Variants in PPP2R3B observed in about 807,000 individuals in gnomAD.
PPP2R3B encodes the protein protein phosphatase 2 regulatory subunit B''beta, also known as serine/threonine-protein phosphatase 2A regulatory subunit B'' subunit beta.
Under a neutral mutation model 72.9 loss-of-function variants are expected in PPP2R3B, and 68 were observed. That is an observed-to-expected ratio of 0.93 (90% confidence interval 0.77 to 1.14). The LOEUF (loss-of-function observed/expected upper bound fraction) is 1.14. Ranked by LOEUF, PPP2R3B falls within the 50% of genes most tolerant of loss-of-function variation. The pLI is 0.00. For missense variants in PPP2R3B, 1,018 were observed against 842.0 expected (o/e 1.21, Z -2.59); for synonymous variants, 466 against 375.8 (o/e 1.24, Z -2.78).
At chrX:350,614 C>T (rs1272587871) in intron 2 of PPP2R3B, among the ~76,000 whole-genome samples, 13 of 152,216 alleles carry the variant, frequency 8.5e-5, no homozygotes, top group Admixed American at 6.5e-5. Flanking sequence ...CCAGCACTGG[C>T]GCCGGCGAGG....
intron 1 of PPP2R3B, among the ~76,000 whole-genome samples, chrX:362,883 C>T (rs2071571349): frequency 6.6e-6 from 1 of 151,568 alleles, no homozygotes; most frequent in Admixed American, 6.6e-5. Context: ...ATCCTCACCG[C>T]AGGTCACAAG....
rs1047793689 is a variant in PPP2R3B, at chrX:334,088, C to T, written c.*279G>A. The T allele has an allele frequency of 6.9e-5, 24 of 346,252 alleles. No individual in the cohort carries two copies. Among genetic ancestry groups the T allele is most frequent in the African/African-American group, 3.9e-4 (18 of 46,516 alleles). The allele number at this position is 346,252 out of a possible 1,614,324, so 21.4% of individuals were successfully genotyped here. A position where few individuals can be genotyped will look rare whatever the true frequency, so the allele number is the denominator to read the frequency against. ...CACGGACCCTTTCCACAGACGCAGG[C>T]CCCGGAACCCAGGCTGGGTCGGGAA... On this transcript the variant is annotated 3_prime_UTR_variant, in exon 13 of 13. Transcript: ENST00000390665.
intron 2 of PPP2R3B, among the ~76,000 whole-genome samples, chrX:359,230 A>C (rs947937984): frequency 1.3e-4 from 20 of 152,368 alleles, no homozygotes; most frequent in Non-Finnish European, 2.8e-4. Flanking sequence ...GTGTCCCAGC[A>C]GACGGAATGC....
chrX:358,276 G>A (rs1360476538), intron 2 of PPP2R3B, among the ~76,000 whole-genome samples: 5 of 152,060 alleles, frequency 3.3e-5, no homozygotes, highest in African/African-American at 9.7e-5. Flanking sequence ...GGAAGCTGAA[G>A]TTTGCCTGCG....
chrX:360,130 C>G (rs1481629161), intron 2 of PPP2R3B, among the ~76,000 whole-genome samples: 2 of 152,110 alleles, frequency 1.3e-5, no homozygotes. Context: ...AATCCAGCAA[C>G]ATATAAAAAA....
intron 7 of PPP2R3B, chrX:344,899 A>C (rs1211226487): frequency 8.9e-6 from 3 of 336,822 alleles, no homozygotes; most frequent in South Asian, 4.6e-5. Flanking sequence ...CGTAATTCGG[A>C]AACAGTCTTG....
chrX:380,243 T>C (rs929936992), intron 1 of PPP2R3B, among the ~76,000 whole-genome samples: 12 of 152,186 alleles, frequency 7.9e-5, no homozygotes, highest in African/African-American at 2.9e-4. Flanking sequence ...ACACTTTTGC[T>C]CTTTGAGACA....
At chrX:356,361 G>T (rs2071434619) in intron 2 of PPP2R3B, among the ~76,000 whole-genome samples, 1 of 152,124 alleles carries the variant, frequency 6.6e-6, no homozygotes, top group African/African-American at 2.4e-5. Context: ...AATGACAGGT[G>T]CCCGCCACCA....
At chrX:347,934 G>A (rs1308730910) in intron 2 of PPP2R3B, 9 of 472,522 alleles carry the variant, frequency 1.9e-5, no homozygotes, top group Admixed American at 7.9e-5. Flanking sequence ...CACAGACCAC[G>A]CGTGGGCACT....
chrX:342,341 C>T, intron 7 of PPP2R3B: 1 of 175,642 alleles, frequency 5.7e-6, no homozygotes, highest in Non-Finnish European at 1.1e-5. Flanking sequence ...ACCTCAGCAA[C>T]GGGAGGCGGG....
chrX:338,814 G>C lies in PPP2R3B; in HGVS notation c.1434C>G (p.Leu478=), dbSNP rs143125658. The C allele has an allele frequency of 1.9e-6, 3 of 1,612,446 alleles. No homozygotes were observed. The Admixed American group carries it at 5.0e-5, about 27-fold the overall frequency. The change falls in exon 11 of 13, where the codon CTC becomes CTG. Residue 478 remains leucine (L), a synonymous_variant. Coordinates refer to ENST00000390665, the MANE Select transcript of PPP2R3B (RefSeq NM_013239.5). ...AGATCTGCTCTTTCTGCTCGTGGTCGAGGTACTTCTCGATGTTGAAGAAGG... is the reference window on the plus strand; with the variant it reads ...AGATCTGCTCTTTCTGCTCGTGGTCCAGGTACTTCTCGATGTTGAAGAAGG... ...FDTFFNIEKY[L]DHEQKEQISL...
intron 7 of PPP2R3B, chrX:344,905 T>C: frequency 2.9e-6 from 1 of 343,746 alleles, no homozygotes; most frequent in South Asian, 2.2e-5. Flanking sequence ...TCGGAAACAG[T>C]CTTGGTCATA....
intron 12 of PPP2R3B, 58 bp downstream of exon 12, chrX:338,532 ACTCACCCGTCCTCC>A (rs2070954022): frequency 1.9e-5 from 7 of 361,382 alleles, no homozygotes; most frequent in Non-Finnish European, 2.7e-5. Flanking sequence ...CCGTCCTCCC[ACTCACCCGTCCTCC>A]CCACTCACCC....
chrX:373,310 C>T (rs2071907429), intron 1 of PPP2R3B, among the ~76,000 whole-genome samples: 1 of 152,248 alleles, frequency 6.6e-6, no homozygotes, highest in South Asian at 2.1e-4. Context: ...CTTGGCACCG[C>T]TTCCCACAGA....
chrX:338,316 C>T (rs1175447296), intron 12 of PPP2R3B: 11 of 567,518 alleles, frequency 1.9e-5, no homozygotes, highest in Non-Finnish European at 2.5e-5. Flanking sequence ...AAACACGACT[C>T]GGCCTCCCCG....
chrX:377,862 T>G (rs5987294), intron 1 of PPP2R3B, among the ~76,000 whole-genome samples: 24,562 of 48,392 alleles, frequency 0.51, 7,011 homozygotes, highest in African/African-American at 0.76. Context: ...ACCCAGTGGG[T>G]CCGCCGTGGG....
chrX:339,127 A>G (rs1250402961), intron 10 of PPP2R3B, among the ~76,000 whole-genome samples: 5 of 117,432 alleles, frequency 4.3e-5, no homozygotes, highest in Non-Finnish European at 9.2e-5. Flanking sequence ...CGGTGCCCCA[A>G]GGATGCGTGG....
rs753521064 is a variant in PPP2R3B at position 384,299 on chromosome X, C to CT, written c.324+2068dup. ...CTCTCTCTCTATATATATATATATACTTTTTTTTTTTTTTTGAGACAGGGC... is the reference window on the plus strand; with the variant it reads ...CTCTCTCTCTATATATATATATATACTTTTTTTTTTTTTTTTGAGACAGGGC... On this transcript the variant is annotated intron_variant, in intron 1 of 12. Coordinates refer to ENST00000390665, the MANE Select transcript of PPP2R3B (RefSeq NM_013239.5). 4.1e-3 allele frequency among the ~76,000 whole-genome samples: 547 copies of CT among 133,812 alleles called. 4 individuals are homozygous for CT. Among genetic ancestry groups the CT allele is most frequent in the Middle Eastern group, 0.03 (8 of 268 alleles). 87.8% of individuals were successfully genotyped at this position (133,812 alleles called of 152,430 possible). A position where few individuals can be genotyped will look rare whatever the true frequency, so the allele number is the denominator to read the frequency against.
chrX:335,754 G>A (rs2070872395), intron 12 of PPP2R3B: 2 of 152,246 alleles, frequency 1.3e-5, no homozygotes, highest in South Asian at 4.1e-4. Context: ...CACAAAGTCA[G>A]TATCAGGAGC....
Sources: allele counts gnomAD v4.1 joint callset (sites outside exome capture counted in the v4.1 genomes callset), GRCh38; gene constraint gnomAD v4.1.1; transcripts MANE v1.5; gene names NCBI Gene and HGNC (gene_info 2026-07-23, HGNC 2026-07-21).